SLC2A12: variants seen among roughly 807,000 people sequenced by gnomAD.
SLC2A12 encodes the protein solute carrier family 2 member 12.
SLC2A12 carries 23 observed loss-of-function variants against 41.8 expected under a neutral mutation model. The observed-to-expected ratio is 0.55, with a 90% CI of 0.40 to 0.78. The LOEUF is 0.78. Ranked by LOEUF, SLC2A12 falls within the 30% of genes least tolerant of loss-of-function variation. The probability of loss-of-function intolerance (pLI) is 0.00; values close to 1 mark genes in which losing one functional copy is unlikely to be tolerated. For missense variants in SLC2A12, 654 were observed against 745.6 expected, an observed-to-expected ratio of 0.88 and a Z score of 1.43; for synonymous variants, 295 against 285.9, an observed-to-expected ratio of 1.03 and a Z score of -0.32.
intron 4 of SLC2A12, among the ~76,000 whole-genome samples, chr6:133,997,821 C>T (rs999943820): frequency 6.6e-6 from 1 of 152,172 alleles, no homozygotes; most frequent in African/African-American, 2.4e-5. Flanking sequence ...AAAAAAAATT[C>T]TGAAAGCACC....
In SLC2A12 at chr6:134,029,706, G is replaced by A; in HGVS notation, c.119C>T (p.Thr40Ile). ...PPWARGCGMFTFLSSVTAAVS... is the reference protein window; with the variant it reads ...PPWARGCGMFIFLSSVTAAVS... Reference sequence around the variant, plus strand: ...AGCAGCAGTGACAGATGACAGGAAGGTAAACATGCCGCAGCCTGCAAGCAG... The same window carrying A: ...AGCAGCAGTGACAGATGACAGGAAGATAAACATGCCGCAGCCTGCAAGCAG... Residue 40 changes from threonine (T) to isoleucine (I), a missense_variant, in exon 2 of 5, where the codon ACC (threonine) becomes ATC (isoleucine). By Grantham distance (89) the Thr-to-Ile change is moderately conservative. Transcript: ENST00000275230. 2 of 1,599,264 alleles carry A rather than the reference G, an allele frequency of 1.3e-6. No individual in the cohort carries two copies. Among genetic ancestry groups the A allele is most frequent in the Non-Finnish European group, 8.5e-7 (1 of 1,175,396 alleles).
At position 133,992,584 on chromosome 6, in the gene SLC2A12, G is replaced by A. The variant is rs1372933272; in HGVS notation, c.1701-1276C>T. Among the ~76,000 whole-genome samples the A allele has an allele frequency of 3.3e-5, 5 of 152,140 alleles. No individual in the cohort carries two copies. In the East Asian group the frequency reaches 7.7e-4, roughly 23 times the overall value. On this transcript the variant is annotated intron_variant, in intron 4 of 4. Transcript: ENST00000275230. ...GCCAGGTTTAGCTCCTTGAATGCAG[G>A]GTTAAAATAAACTAAGAGTTGACTT...
intron 2 of SLC2A12, among the ~76,000 whole-genome samples, chr6:134,015,193 C>A (rs1420307937): frequency 1.3e-5 from 2 of 152,224 alleles, no homozygotes; most frequent in African/African-American, 4.8e-5. Context: ...ACAACATAAA[C>A]TCACATGACT....
chr6:134,041,699 G>A (rs1032886053), intron 1 of SLC2A12, among the ~76,000 whole-genome samples: 1 of 152,092 alleles, frequency 6.6e-6, no homozygotes, highest in Non-Finnish European at 1.5e-5. Flanking sequence ...AACATTTTAC[G>A]GCCCAATCTT....
intron 4 of SLC2A12, among the ~76,000 whole-genome samples, chr6:133,996,880 C>A (rs1776694197): frequency 6.6e-6 from 1 of 152,010 alleles, no homozygotes; most frequent in Non-Finnish European, 1.5e-5. Context: ...CCTTTAGATA[C>A]TTTGGTCAAT....
intron 1 of SLC2A12, among the ~76,000 whole-genome samples, chr6:134,051,458 A>G (rs934768019): frequency 7.9e-5 from 12 of 152,198 alleles, no homozygotes; most frequent in African/African-American, 2.9e-4. Context: ...AAATTTCTAT[A>G]TGCTGCTTGG....
chr6:133,991,423 T>C (rs997710561), intron 4 of SLC2A12, 115 bp from the exon 5 acceptor site: 56 of 1,131,044 alleles, frequency 5.0e-5, no homozygotes, highest in Admixed American at 2.6e-5. Flanking sequence ...TATGCAAAAA[T>C]AAATACACAT....
chr6:133,997,674 G>A (rs1776712519), intron 4 of SLC2A12, among the ~76,000 whole-genome samples: 1 of 152,026 alleles, frequency 6.6e-6, no homozygotes. Context: ...GGTGGGCAAG[G>A]GCTAGAAAAC....
chr6:134,032,287 A>G (rs904033808), intron 1 of SLC2A12, among the ~76,000 whole-genome samples: 5 of 151,630 alleles, frequency 3.3e-5, no homozygotes, highest in African/African-American at 1.2e-4. Context: ...AAGCAAATTT[A>G]TGAGCATTTT....
chr6:134,021,433 C>T (rs895915423), intron 2 of SLC2A12, among the ~76,000 whole-genome samples: 53 of 152,194 alleles, frequency 3.5e-4, no homozygotes, highest in South Asian at 2.1e-4. Context: ...TCTATAACTA[C>T]ATTCTGGTTA....
At chr6:134,001,041 C>T (rs1332508052) in intron 4 of SLC2A12, among the ~76,000 whole-genome samples, 1 of 151,996 alleles carries the variant, frequency 6.6e-6, no homozygotes, top group African/African-American at 2.4e-5. Context: ...CCGGGACCCA[C>T]CCCAAACCCC....
chr6:133,992,837 C>T (rs187027081), intron 4 of SLC2A12, among the ~76,000 whole-genome samples: 9 of 152,252 alleles, frequency 5.9e-5, no homozygotes, highest in Non-Finnish European at 1.3e-4. Flanking sequence ...GAGTGGAATG[C>T]TTGTGAATGA....
chr6:134,001,989 A>G lies in SLC2A12; in HGVS notation c.1700+8T>C. 6.2e-7 allele frequency: 1 copy of G among 1,609,450 alleles called. No individual in the cohort carries two copies. The highest frequency in any genetic ancestry group is 1.1e-5 in the South Asian group (1 of 90,136). On this transcript the variant is annotated splice_region_variant and intron_variant, in intron 4 of 4. Coordinates refer to ENST00000275230, the MANE Select transcript of SLC2A12 (RefSeq NM_145176.3). The stretch of plus-strand genomic sequence containing the variant: ...TATTGTTCAGAAACCAATGCATGTA[A>G]TACTTACACTTTTGCTAGCTCCATT...
intron 4 of SLC2A12, among the ~76,000 whole-genome samples, chr6:133,994,571 C>G (rs1248354038): frequency 6.6e-6 from 1 of 151,874 alleles, no homozygotes; most frequent in Admixed American, 6.6e-5. Flanking sequence ...ACTAAAAATA[C>G]AAAAAAATTA....
At chr6:134,051,405 G>A (rs561021143) in intron 1 of SLC2A12, among the ~76,000 whole-genome samples, 1 of 152,282 alleles carries the variant, frequency 6.6e-6, no homozygotes, top group African/African-American at 2.4e-5. Context: ...CCAAGAGAAA[G>A]GCAGATGTCT....
At chr6:133,992,767 A>G (rs1459274027) in intron 4 of SLC2A12, among the ~76,000 whole-genome samples, 1 of 152,132 alleles carries the variant, frequency 6.6e-6, no homozygotes, top group East Asian at 1.9e-4. Flanking sequence ...GTGGGGCTGA[A>G]GACTTGTTGA....
intron 1 of SLC2A12, among the ~76,000 whole-genome samples, chr6:134,039,228 C>A (rs1286548168): frequency 6.6e-6 from 1 of 152,124 alleles, no homozygotes. Flanking sequence ...CCTAGAAGAA[C>A]TTCTCATATT....
At position 134,029,034 on chromosome 6, in the gene SLC2A12, CTG is replaced by C; in HGVS notation, c.789_790del (p.Tyr263Ter). On this transcript the variant is annotated stop_gained and frameshift_variant, in exon 2 of 5. Coordinates refer to ENST00000275230, the MANE Select transcript of SLC2A12 (RefSeq NM_145176.3). LOFTEE classifies it high-confidence loss of function. ...TTTTGAACGAAACAGATCCCAAAAA[CTG>C]TACTGATATTCATCTTTCAGGGAGG... 1 of 1,614,216 alleles carries C rather than the reference CTG, an allele frequency of 6.2e-7. No individual in the cohort carries two copies.
intron 2 of SLC2A12, among the ~76,000 whole-genome samples, chr6:134,010,625 C>T (rs540115868): frequency 2.6e-5 from 4 of 152,146 alleles, no homozygotes; most frequent in East Asian, 1.9e-4. Flanking sequence ...TGTGGGGGGG[C>T]GGAGGTGTGG....
Sources: allele counts gnomAD v4.1 joint callset (sites outside exome capture counted in the v4.1 genomes callset), GRCh38; gene constraint gnomAD v4.1.1; transcripts MANE v1.5; gene names NCBI Gene and HGNC (gene_info 2026-07-23, HGNC 2026-07-21).